YIPF6: variants seen among roughly 807,000 people sequenced by gnomAD.
YIPF6 encodes the protein protein YIPF6.
Under a neutral mutation model 16.8 loss-of-function variants are expected in YIPF6, and 3 were observed. The ratio of observed to expected loss-of-function variants is 0.18; its 90% confidence interval spans 0.08 to 0.46. YIPF6 has a LOEUF of 0.46. Among genes scored for constraint, YIPF6 ranks in the 20% least tolerant of loss-of-function variants. The pLI is 0.98. For missense variants in YIPF6, 145 were observed against 184.9 expected, an observed-to-expected ratio of 0.78 and a Z score of 1.25; for synonymous variants, 67 against 61.9, an observed-to-expected ratio of 1.08 and a Z score of -0.38.
chrX:68,501,662 T>C (rs2079041632), intron 1 of YIPF6, among the ~76,000 whole-genome samples: 1 of 112,088 alleles, frequency 8.9e-6, no homozygotes, highest in Non-Finnish European at 1.9e-5. Flanking sequence ...CGCAGACTTA[T>C]ATATATCCAT....
chrX:68,508,392 C>CTGCG (rs1206256306), intron 1 of YIPF6, among the ~76,000 whole-genome samples: 1 of 112,104 alleles, frequency 8.9e-6, no homozygotes, highest in African/African-American at 3.2e-5. Context: ...GCATCAGCCA[C>CTGCG]TGCGGTTAGC....
rs773831758 is a variant in YIPF6 at position 68,512,219 on chromosome X, G to A, written c.186+242G>A. ...TCGCGCCTGTAATCTCAGCCCTTTG[G>A]GAGGCCAAGGCAGGCGGATCACCTG... is the stretch of plus-strand genomic sequence containing the variant. On this transcript the variant is annotated intron_variant, in intron 2 of 6. Coordinates refer to ENST00000462683, the MANE Select transcript of YIPF6 (RefSeq NM_173834.4). 2.7e-5 allele frequency among the ~76,000 whole-genome samples: 3 copies of A among 111,339 alleles called. No homozygotes were observed. In the South Asian group the frequency reaches 1.1e-3, roughly 42 times the overall value.
chrX:68,509,362 C>G (rs888916775), intron 1 of YIPF6, among the ~76,000 whole-genome samples: 6 of 111,018 alleles, frequency 5.4e-5, no homozygotes, highest in African/African-American at 2.0e-4. Context: ...TCAAGCGATT[C>G]TCCTACCTCA....
chrX:68,515,872 C>G (rs1420075130), intron 3 of YIPF6, among the ~76,000 whole-genome samples: 2 of 111,459 alleles, frequency 1.8e-5, no homozygotes, highest in African/African-American at 6.5e-5. Flanking sequence ...GCTTCTAATC[C>G]CAGCGCTTTG....
At chrX:68,523,221 G>A (rs1449718758) in intron 6 of YIPF6, among the ~76,000 whole-genome samples, 1 of 110,436 alleles carries the variant, frequency 9.1e-6, no homozygotes, top group Non-Finnish European at 1.9e-5. Flanking sequence ...GGTGACTTGT[G>A]GAATGACTGG....
At chrX:68,511,449 T>G (rs947211382) in intron 1 of YIPF6, among the ~76,000 whole-genome samples, 1 of 112,273 alleles carries the variant, frequency 8.9e-6, no homozygotes, top group African/African-American at 3.2e-5. Context: ...AATGCTCATT[T>G]TTAGCCAGCA....
At chrX:68,528,103 T>C (rs2079156404) in intron 6 of YIPF6, among the ~76,000 whole-genome samples, 1 of 111,601 alleles carries the variant, frequency 9.0e-6, no homozygotes, top group African/African-American at 3.3e-5. Context: ...CCCACTATTA[T>C]TGTGTGGGAG....
At chrX:68,505,902 A>G (rs1332344574) in intron 1 of YIPF6, among the ~76,000 whole-genome samples, 1 of 111,859 alleles carries the variant, frequency 8.9e-6, no homozygotes, top group Non-Finnish European at 1.9e-5. Context: ...GAACCAAGAA[A>G]TTAACATTAG....
rs2079125325 is a variant in YIPF6 at position 68,521,423 on chromosome X, T to C, written c.360T>C (p.Phe120=). 8.3e-7 allele frequency: 1 copy of C among 1,209,463 alleles called. No homozygotes were observed. Among genetic ancestry groups the C allele is most frequent in the African/African-American group, 1.7e-5 (1 of 57,147 alleles). ...ADSEKDGGPQ[F]AEVFVIVWFG... Reference sequence around the variant, plus strand: ...GTGAAAAAGATGGAGGGCCCCAATTTGCAGAGGTGTTTGTCATTGTCTGGT... The same window carrying C: ...GTGAAAAAGATGGAGGGCCCCAATTCGCAGAGGTGTTTGTCATTGTCTGGT... The change falls in exon 5 of 7, where the codon TTT becomes TTC. Residue 120 remains phenylalanine, a synonymous_variant. Coordinates refer to ENST00000462683, the MANE Select transcript of YIPF6 (RefSeq NM_173834.4).
At chrX:68,509,729 T>C (rs918890277) in intron 1 of YIPF6, among the ~76,000 whole-genome samples, 2 of 111,349 alleles carry the variant, frequency 1.8e-5, no homozygotes, top group Admixed American at 1.9e-4. Context: ...TGTCCATCCC[T>C]TAGTAGTAGA....
At chrX:68,499,204 C>T (rs1265041226) in intron 1 of YIPF6, 81 bp downstream of exon 1, 2 of 1,097,406 alleles carry the variant, frequency 1.8e-6, no homozygotes, top group Non-Finnish European at 1.2e-6. Context: ...GGCTCGTGGC[C>T]TGAGAGCCGG....
At chrX:68,508,369 G>T (rs1180714799) in intron 1 of YIPF6, among the ~76,000 whole-genome samples, 2 of 111,562 alleles carry the variant, frequency 1.8e-5, no homozygotes, top group Non-Finnish European at 3.8e-5. Context: ...CTCCCAAAGT[G>T]CTAGGATTAC....
intron 4 of YIPF6, 58 bp from the exon 5 acceptor site, chrX:68,521,314 T>TA: frequency 8.5e-7 from 1 of 1,177,515 alleles, no homozygotes; most frequent in East Asian, 3.0e-5. Context: ...ACCCATGCCT[T>TA]AACTTTGTTG....
At chrX:68,524,478 CATTTATTT>C (rs1257433468) in intron 6 of YIPF6, among the ~76,000 whole-genome samples, 1 of 108,086 alleles carries the variant, frequency 9.3e-6, no homozygotes, top group Admixed American at 1.0e-4. Flanking sequence ...TGATTATTTT[CATTTATTT>C]ATTTATTTGG....
chrX:68,501,274 A>G (rs1439970109), intron 1 of YIPF6, among the ~76,000 whole-genome samples: 1 of 112,357 alleles, frequency 8.9e-6, no homozygotes, highest in Non-Finnish European at 1.9e-5. Context: ...GGAAAATGCT[A>G]TCATGTCCAG....
At position 68,511,990 on chromosome X, in the gene YIPF6, A is replaced by G. The variant is rs1351960323; in HGVS notation, c.186+13A>G. On this transcript the variant is annotated intron_variant, in intron 2 of 6. Coordinates refer to ENST00000462683, the MANE Select transcript of YIPF6 (RefSeq NM_173834.4). ...TCGCAATACCATCGTAAGTTAGACT[A>G]GTTGAGAGAACTTCTGTTCAGTATC... 8.3e-7 allele frequency: 1 copy of G among 1,199,472 alleles called. No individual in the cohort carries two copies. The highest frequency in any genetic ancestry group is 1.8e-5 in the South Asian group (1 of 54,693).
At chrX:68,505,315 C>G (rs2147817793) in intron 1 of YIPF6, among the ~76,000 whole-genome samples, 1 of 111,309 alleles carries the variant, frequency 9.0e-6, no homozygotes, top group African/African-American at 3.3e-5. Flanking sequence ...GGGGCTGAGA[C>G]AGGAGACTCG....
chrX:68,509,444 C>G (rs889618848), intron 1 of YIPF6, among the ~76,000 whole-genome samples: 2 of 111,546 alleles, frequency 1.8e-5, no homozygotes, highest in South Asian at 7.6e-4. Flanking sequence ...TGTTCATGTT[C>G]TGTACTCAGC....
At chrX:68,511,140 C>T (rs1306033264) in intron 1 of YIPF6, among the ~76,000 whole-genome samples, 1 of 110,147 alleles carries the variant, frequency 9.1e-6, no homozygotes, top group African/African-American at 3.3e-5. Flanking sequence ...CTCATTCTTT[C>T]TAAAATTTCA....
Sources: allele counts gnomAD v4.1 joint callset (sites outside exome capture counted in the v4.1 genomes callset), GRCh38; gene constraint gnomAD v4.1.1; transcripts MANE v1.5; gene names NCBI Gene and HGNC (gene_info 2026-07-23, HGNC 2026-07-21).